TERB2: variants seen among roughly 807,000 people sequenced by gnomAD.
TERB2 encodes the protein telomere repeats-binding bouquet formation protein 2.
TERB2 carries 26 observed loss-of-function variants against 29.8 expected under a neutral mutation model. The ratio of observed to expected loss-of-function variants is 0.87; its 90% CI spans 0.64 to 1.21. The LOEUF is 1.21. Among genes scored for constraint, TERB2 ranks in the 50% most tolerant of loss-of-function variants. The probability of loss-of-function intolerance (pLI) is 0.00; values close to 1 mark genes in which losing one functional copy is unlikely to be tolerated. For missense variants in TERB2, 240 were observed against 268.6 expected, an observed-to-expected ratio of 0.89 and a Z score of 0.74; for synonymous variants, 80 against 90.8, an observed-to-expected ratio of 0.88 and a Z score of 0.68.
At chr15:44,973,532 C>G (rs1337512009) in intron 5 of TERB2, 1 of 152,170 alleles carries the variant, frequency 6.6e-6, no homozygotes, top group Non-Finnish European at 1.5e-5. Flanking sequence ...GAAGTCTGAT[C>G]AAAGAGCAAT....
intron 4 of TERB2, among the ~76,000 whole-genome samples, chr15:44,962,440 C>T (rs1475810387): frequency 6.6e-6 from 1 of 150,828 alleles, no homozygotes; most frequent in Non-Finnish European, 1.5e-5. Flanking sequence ...CCGCCCGCCT[C>T]GGCCTCCCAA....
At chr15:44,974,745 A>C (rs1366106116) in intron 6 of TERB2, among the ~76,000 whole-genome samples, 1 of 152,230 alleles carries the variant, frequency 6.6e-6, no homozygotes, top group African/African-American at 2.4e-5. Context: ...AGCAATTTTT[A>C]AAGTATGGGT....
At chr15:44,957,431 C>T (rs977117558) in intron 2 of TERB2, among the ~76,000 whole-genome samples, 2 of 151,962 alleles carry the variant, frequency 1.3e-5, no homozygotes, top group African/African-American at 2.4e-5. Context: ...CCAGCTGCCT[C>T]TTCTACACCC....
intron 2 of TERB2, among the ~76,000 whole-genome samples, chr15:44,958,082 C>G (rs1891746767): frequency 6.6e-6 from 1 of 152,180 alleles, no homozygotes; most frequent in Admixed American, 6.5e-5. Flanking sequence ...GCCCCATAGG[C>G]TGCTAGCTCA....
intron 1 of TERB2, 43 bp from the exon 2 acceptor site, chr15:44,956,853 C>T (rs181905453): frequency 3.1e-5 from 50 of 1,610,502 alleles, no homozygotes; most frequent in Admixed American, 2.7e-4. Flanking sequence ...TGCTTTGGGT[C>T]CAGGGTGCTT....
intron 6 of TERB2, among the ~76,000 whole-genome samples, chr15:44,977,227 C>A (rs1051150512): frequency 2.6e-5 from 4 of 152,082 alleles, no homozygotes; most frequent in Non-Finnish European, 5.9e-5. Flanking sequence ...TCGGATGATA[C>A]GGCAATGTCC....
chr15:44,978,721 T>G lies in TERB2; in HGVS notation c.*93T>G. On this transcript the variant is annotated 3_prime_UTR_variant, in exon 7 of 7. Coordinates refer to ENST00000340827, the MANE Select transcript of TERB2 (RefSeq NM_152448.3). The stretch of plus-strand genomic sequence containing the variant: ...AATGCTCCCTTTTGGTACTGGGGGA[T>G]AGTGAAATGGGAAATAATTTTTCTG... 2.3e-6 allele frequency: 3 copies of G among 1,313,852 alleles called. No homozygotes were observed. The highest frequency in any genetic ancestry group is 3.0e-6 in the Non-Finnish European group (3 of 1,013,044). The allele number at this position is 1,313,852 out of a possible 1,614,324, so 81.4% of individuals were successfully genotyped here. A position where few individuals can be genotyped will look rare whatever the true frequency, so the allele number is the denominator to read the frequency against.
At chr15:44,976,800 T>A (rs147255096) in intron 6 of TERB2, among the ~76,000 whole-genome samples, 4,172 of 152,204 alleles carry the variant, frequency 0.027, 137 homozygotes, top group African/African-American at 0.078. Flanking sequence ...CTCCCCATGC[T>A]CAACATTTGC....
rs539597377 is a variant in TERB2 at position 44,963,540 on chromosome 15, T to C, written c.348+1956T>C. Among the ~76,000 whole-genome samples, 996 of 152,040 alleles carry C rather than the reference T, an allele frequency of 6.6e-3. 7 individuals are homozygous for C. Among genetic ancestry groups the C allele is most frequent in the Non-Finnish European group, 0.01 (711 of 67,974 alleles). Reference sequence around the variant, plus strand: ...GGTATAAAAGACATTTGGAGAGCAATTGGGAAAATTTAACAATGAACTGTA... The same window carrying C: ...GGTATAAAAGACATTTGGAGAGCAACTGGGAAAATTTAACAATGAACTGTA... On this transcript the variant is annotated intron_variant, in intron 4 of 6. Transcript: ENST00000340827.
chr15:44,961,577 T>C lies in TERB2; in HGVS notation c.341T>C (p.Ile114Thr). 1.3e-6 allele frequency: 2 copies of C among 1,589,532 alleles called. No individual in the cohort carries two copies. Among genetic ancestry groups the C allele is most frequent in the South Asian group, 1.2e-5 (1 of 86,246 alleles). ...FIWEQDQHFLIEKHDEVTPNE... is the reference protein window; with the variant it reads ...FIWEQDQHFLTEKHDEVTPNE... ...TGGGAACAAGACCAACATTTTCTGA[T>C]AGAAAAGGTAAGAGTAAATTAAGGT... Residue 114 changes from isoleucine to threonine, a missense_variant, in exon 4 of 7, where the codon ATA becomes ACA. By Grantham distance (89) the Ile-to-Thr change is moderately conservative (BLOSUM62 -1). Coordinates refer to ENST00000340827, the MANE Select transcript of TERB2 (RefSeq NM_152448.3).
intron 3 of TERB2, among the ~76,000 whole-genome samples, chr15:44,959,520 A>G (rs1208595181): frequency 1.3e-5 from 2 of 151,818 alleles, no homozygotes; most frequent in East Asian, 1.9e-4. Flanking sequence ...GGCGCCCACC[A>G]CCACACCCGG....
chr15:44,975,174 T>A (rs1226186929), intron 6 of TERB2, among the ~76,000 whole-genome samples: 1 of 152,204 alleles, frequency 6.6e-6, no homozygotes, highest in Non-Finnish European at 1.5e-5. Context: ...AAGTAAAAAT[T>A]TTTAATCTTT....
At chr15:44,966,887 C>G (rs1323826684) in intron 5 of TERB2, among the ~76,000 whole-genome samples, 1 of 152,116 alleles carries the variant, frequency 6.6e-6, no homozygotes, top group African/African-American at 2.4e-5. Context: ...CTGCTTGAGC[C>G]TAGGAATTTG....
chr15:44,958,632 C>G, intron 3 of TERB2, 120 bp downstream of exon 3: 1 of 1,103,326 alleles, frequency 9.1e-7, no homozygotes, highest in Non-Finnish European at 1.3e-6. Context: ...AATTTTGTAT[C>G]TATTTAACAT....
chr15:44,969,653 G>A (rs1272039267), intron 5 of TERB2, among the ~76,000 whole-genome samples: 1 of 150,532 alleles, frequency 6.6e-6, no homozygotes, highest in Non-Finnish European at 1.5e-5. Context: ...AATTAACTGG[G>A]TGTAGTGGTG....
rs1595478637 is a variant in TERB2, at chr15:44,971,908, A to C, written c.435-1959A>C. Among the ~76,000 whole-genome samples the C allele has an allele frequency of 2.7e-5, 4 of 149,354 alleles. No homozygotes were observed. In the South Asian group the frequency reaches 8.5e-4, roughly 32 times the overall value. Reference sequence around the variant, plus strand: ...TGGTCCCTGACTTTTCTGGGAACACAATTTTGCTTTATTTGTAGGACCTCA... The same window carrying C: ...TGGTCCCTGACTTTTCTGGGAACACCATTTTGCTTTATTTGTAGGACCTCA... On this transcript the variant is annotated intron_variant, in intron 5 of 6. Transcript: ENST00000340827.
intron 5 of TERB2, among the ~76,000 whole-genome samples, chr15:44,972,020 G>C (rs1477219134): frequency 1.8e-5 from 2 of 113,552 alleles, no homozygotes; most frequent in Non-Finnish European, 3.4e-5. Flanking sequence ...ACAGAGTTTC[G>C]TTCTTGTTGC....
Position 44,978,819 on chromosome 15 carries a change from T to A in TERB2, c.*191T>A. 1 of 652,954 alleles carries A rather than the reference T, an allele frequency of 1.5e-6. No homozygotes were observed. The highest frequency in any genetic ancestry group is 2.2e-6 in the Non-Finnish European group (1 of 460,404). 40.4% of individuals were successfully genotyped at this position (652,954 alleles called of 1,614,324 possible). On this transcript the variant is annotated 3_prime_UTR_variant, in exon 7 of 7. Transcript: ENST00000340827. ...GTTTTGACATTTTTCCCCTAGCTTTTAACAACATGTTCAAATATTCTCAAT... is the reference window on the plus strand; with the variant it reads ...GTTTTGACATTTTTCCCCTAGCTTTAAACAACATGTTCAAATATTCTCAAT...
At chr15:44,959,069 TA>T in intron 3 of TERB2, among the ~76,000 whole-genome samples, 1 of 152,302 alleles carries the variant, frequency 6.6e-6, no homozygotes, top group East Asian at 1.9e-4. Context: ...GATAATGTAT[TA>T]AGGTGTCTGA....
Sources: gnomAD v4.1 joint callset for allele counts (sites outside exome capture counted in the v4.1 genomes callset) on GRCh38, gnomAD v4.1.1 for gene constraint, MANE v1.5 for transcripts, NCBI Gene and HGNC (gene_info 2026-07-23, HGNC 2026-07-21) for gene names.